Variants in SCML4 observed in about 807,000 individuals in gnomAD.
SCML4 encodes the protein Scm polycomb group protein like 4.
SCML4 carries 34 observed loss-of-function variants against 41.1 expected under a neutral mutation model. The observed-to-expected ratio is 0.83, with a 90% confidence interval of 0.63 to 1.10. The LOEUF (loss-of-function observed/expected upper bound fraction) is 1.10. SCML4 is among the 50% of genes least tolerant of loss of function. SCML4 has a pLI of 0.00. For missense variants in SCML4, 522 were observed against 534.1 expected (o/e 0.98, Z 0.22); for synonymous variants, 214 against 220.9 (o/e 0.97, Z 0.28).
At chr6:107,804,085 G>C (rs1783534260) in intron 1 of SCML4, among the ~76,000 whole-genome samples, 1 of 146,230 alleles carries the variant, frequency 6.8e-6, no homozygotes. Context: ...AAAAAAAAGA[G>C]CATTGGCTCT....
intron 6 of SCML4, among the ~76,000 whole-genome samples, chr6:107,715,537 G>C (rs1774689917): frequency 6.6e-6 from 1 of 152,012 alleles, no homozygotes; most frequent in Non-Finnish European, 1.5e-5. Flanking sequence ...AAATGCCCAA[G>C]TCAGGAAGCT....
intron 1 of SCML4, among the ~76,000 whole-genome samples, chr6:107,808,710 G>T (rs956348119): frequency 6.6e-6 from 1 of 152,104 alleles, no homozygotes; most frequent in African/African-American, 2.4e-5. Context: ...GGCTCATGTG[G>T]CCTTTTTCAT....
At chr6:107,835,497 C>T in the SCML4 span, among the ~76,000 whole-genome samples, 2 of 151,806 alleles carry the variant, frequency 1.3e-5, no homozygotes, top group African/African-American at 2.4e-5. Context: ...CCCAGCACTT[C>T]GGGAGGCCAA....
intron 1 of SCML4, among the ~76,000 whole-genome samples, chr6:107,798,535 G>A (rs1457745643): frequency 1.3e-5 from 2 of 151,556 alleles, no homozygotes; most frequent in Non-Finnish European, 3.0e-5. Context: ...CTTATTTATT[G>A]ATCTGTTCAA....
the SCML4 span, among the ~76,000 whole-genome samples, chr6:107,840,101 G>A: frequency 4.6e-5 from 7 of 152,062 alleles, no homozygotes; most frequent in Non-Finnish European, 1.0e-4. Flanking sequence ...TTTTCTTGGA[G>A]TGTTTCTATT....
rs1205930144 is a variant in SCML4, at chr6:107,704,437, G to A, written c.*763C>T. On this transcript the variant is annotated 3_prime_UTR_variant, in exon 8 of 8. Transcript: ENST00000369020. ...ACGAACTAGACCCCTCTAGCTGATG[G>A]TTTCTTCCCAAGTCGCAATCTGTGG... The A allele has an allele frequency of 1.3e-5, 2 of 152,180 alleles. No homozygotes were observed. Among genetic ancestry groups the A allele is most frequent in the Admixed American group, 6.5e-5 (1 of 15,282 alleles). 9.4% of individuals were successfully genotyped at this position (152,180 alleles called of 1,614,324 possible).
rs1276766116 is a variant in SCML4 at position 107,704,189 on chromosome 6, A to G, written c.*1011T>C. The G allele has an allele frequency of 6.6e-6, 1 of 152,214 alleles. No individual in the cohort carries two copies. Among genetic ancestry groups the G allele is most frequent in the Non-Finnish European group, 1.5e-5 (1 of 68,042 alleles). 9.4% of individuals were successfully genotyped at this position (152,214 alleles called of 1,614,324 possible). A position where few individuals can be genotyped will look rare whatever the true frequency, so the allele number is the denominator to read the frequency against. Reference sequence around the variant, plus strand: ...AACCCAGCAATGTAACTAGAAATCAACACTCTCCCATTTCAAAGCTTCGTT... The same window carrying G: ...AACCCAGCAATGTAACTAGAAATCAGCACTCTCCCATTTCAAAGCTTCGTT... On this transcript the variant is annotated 3_prime_UTR_variant, in exon 8 of 8. Transcript: ENST00000369020.
At chr6:107,810,542 T>C (rs1375203989) in intron 1 of SCML4, among the ~76,000 whole-genome samples, 1 of 151,988 alleles carries the variant, frequency 6.6e-6, no homozygotes, top group Non-Finnish European at 1.5e-5. Context: ...TGGGGTAGAG[T>C]TGAAACCTTC....
chr6:107,822,711 T>C (rs1404870421), intron 1 of SCML4, among the ~76,000 whole-genome samples: 1 of 152,114 alleles, frequency 6.6e-6, no homozygotes. Context: ...AACACATTCA[T>C]ATTTTTTAAA....
intron 1 of SCML4, among the ~76,000 whole-genome samples, chr6:107,804,248 C>CGTGTGTGTGTGTGTGTGTGTGTGT (rs1554223036): frequency 6.6e-6 from 1 of 150,646 alleles, no homozygotes; most frequent in African/African-American, 2.4e-5. Context: ...AAACATGAAA[C>CGTGTGTGTGTGTGTGTGTGTGTGT]GTGTGTGTGT....
Position 107,802,672 on chromosome 6 carries a change from TC to T in SCML4, c.-60+21453del, listed in dbSNP as rs1562273116. 6.2e-4 allele frequency among the ~76,000 whole-genome samples: 3 copies of T among 4,832 alleles called. No individual in the cohort carries two copies. The Admixed American group carries it at 8.3e-3, about 13-fold the overall frequency. The allele number at this position is 4,832 out of a possible 152,430, so 3.2% of individuals were successfully genotyped here. A position where few individuals can be genotyped will look rare whatever the true frequency, so the allele number is the denominator to read the frequency against. ...GAAAGGCTCCTCCTCTCCCTCTCCC[TC>T]CTCTCCCTCTCCCTCCCCCTCCTCT... On this transcript the variant is annotated intron_variant, in intron 1 of 7. Coordinates refer to ENST00000369020, the MANE Select transcript of SCML4 (RefSeq NM_198081.5).
intron 5 of SCML4, among the ~76,000 whole-genome samples, chr6:107,726,481 T>C (rs1454163617): frequency 6.2e-5 from 8 of 129,100 alleles, no homozygotes; most frequent in Non-Finnish European, 9.2e-5. Flanking sequence ...TGCAGTGAGC[T>C]GAGATCGTGC....
chr6:107,761,810 T>A (rs2114541773), intron 2 of SCML4, among the ~76,000 whole-genome samples: 1 of 14,132 alleles, frequency 7.1e-5, no homozygotes, highest in Middle Eastern at 0.045. Context: ...AAAAAAGTCT[T>A]TTTTTTTTTC....
the SCML4 span, among the ~76,000 whole-genome samples, chr6:107,831,953 C>G: frequency 3.3e-5 from 5 of 151,950 alleles, no homozygotes; most frequent in African/African-American, 1.2e-4. Context: ...GTCCTAGCTA[C>G]TCGGGAGGCT....
intron 2 of SCML4, among the ~76,000 whole-genome samples, chr6:107,769,851 T>C (rs576178553): frequency 6.6e-6 from 1 of 152,268 alleles, no homozygotes; most frequent in Non-Finnish European, 1.5e-5. Flanking sequence ...CAGCTATAAT[T>C]GAGCTTGCAA....
At chr6:107,835,646 C>T in the SCML4 span, among the ~76,000 whole-genome samples, 101 of 147,626 alleles carry the variant, frequency 6.8e-4, no homozygotes, top group African/African-American at 2.3e-3. Context: ...TGGGGAGGGG[C>T]GGGCAAGGTG....
At chr6:107,714,500 T>C (rs989236507) in intron 6 of SCML4, among the ~76,000 whole-genome samples, 2 of 152,180 alleles carry the variant, frequency 1.3e-5, no homozygotes, top group Admixed American at 1.3e-4. Context: ...CTGACAGCAA[T>C]CATCACAATT....
intron 2 of SCML4, among the ~76,000 whole-genome samples, chr6:107,766,246 T>C (rs1018834605): frequency 2.6e-5 from 4 of 152,076 alleles, no homozygotes; most frequent in African/African-American, 9.7e-5. Flanking sequence ...GGTGCACACC[T>C]GTAATCCCAG....
rs191203960 is a variant in SCML4, at chr6:107,794,037, A to G, written c.-59-21651T>C. On this transcript the variant is annotated intron_variant, in intron 1 of 7. Transcript: ENST00000369020. ...AATATCTTCTTCATCCCAACCATCA[A>G]TCTCTCTTATTATGGTCTTATCATC... Among the ~76,000 whole-genome samples the G allele has an allele frequency of 3.2e-3, 494 of 152,288 alleles. 2 individuals carry two copies. The highest frequency in any genetic ancestry group is 0.011 in the African/African-American group (472 of 41,554).
Sources: gnomAD v4.1 joint callset for allele counts (sites outside exome capture counted in the v4.1 genomes callset) on GRCh38, gnomAD v4.1.1 for gene constraint, MANE v1.5 for transcripts, NCBI Gene and HGNC (gene_info 2026-07-23, HGNC 2026-07-21) for gene names.